The following HMCES variants were observed in gnomAD, a reference collection of about 807,000 sequenced individuals.
HMCES encodes 5-hydroxymethylcytosine binding, ES cell specific, also known as abasic site processing protein HMCES.
Under a neutral mutation model 35.1 loss-of-function variants are expected in HMCES, and 27 were observed. The observed-to-expected ratio is 0.77, with a 90% CI of 0.57 to 1.06. The LOEUF (loss-of-function observed/expected upper bound fraction) is 1.06, where lower values mean the gene tolerates loss of function less well. Ranked by LOEUF, HMCES falls within the 50% of genes least tolerant of loss-of-function variation. The pLI is 0.00. For missense variants in HMCES, 391 were observed against 430.4 expected (o/e 0.91, Z 0.81); for synonymous variants, 130 against 154.7 (o/e 0.84, Z 1.18).
At chr3:129,280,136 C>T (rs960102136) in intron 2 of HMCES, among the ~76,000 whole-genome samples, 4 of 152,156 alleles carry the variant, frequency 2.6e-5, no homozygotes, top group African/African-American at 9.7e-5. Flanking sequence ...ATTTAAATGC[C>T]TTTGCTATAC....
intron 2 of HMCES, among the ~76,000 whole-genome samples, chr3:129,284,322 A>C (rs7634523): frequency 0.25 from 37,592 of 152,180 alleles, 7,745 homozygotes; most frequent in African/African-American, 0.56. Flanking sequence ...ATATGTCTTA[A>C]AAAGAAGATA....
chr3:129,292,490 T>C (rs1367568134), intron 4 of HMCES, among the ~76,000 whole-genome samples: 1 of 150,554 alleles, frequency 6.6e-6, no homozygotes, highest in Non-Finnish European at 1.5e-5. Context: ...AAGTTTTTTT[T>C]TTTCTTCTTT....
At chr3:129,284,111 G>A (rs1215601260) in intron 2 of HMCES, among the ~76,000 whole-genome samples, 1 of 152,196 alleles carries the variant, frequency 6.6e-6, no homozygotes, top group East Asian at 1.9e-4. Context: ...CACATACAGA[G>A]AGCTGACAAA....
intron 2 of HMCES, among the ~76,000 whole-genome samples, chr3:129,285,882 A>T (rs563982400): frequency 4.8e-4 from 73 of 152,102 alleles, no homozygotes; most frequent in African/African-American, 1.7e-3. Flanking sequence ...GGCACACGCC[A>T]CCACACCCAG....
chr3:129,287,152 C>T (rs1010533725), intron 2 of HMCES, among the ~76,000 whole-genome samples: 2 of 152,052 alleles, frequency 1.3e-5, no homozygotes, highest in African/African-American at 4.8e-5. Flanking sequence ...GTTACTTTCT[C>T]CAGCAACGAA....
At chr3:129,300,217 G>A (rs1261741050) in intron 5 of HMCES, among the ~76,000 whole-genome samples, 1 of 149,946 alleles carries the variant, frequency 6.7e-6, no homozygotes, top group Non-Finnish European at 1.5e-5. Context: ...GGCAAAAGAA[G>A]AGCAAAACAC....
intron 3 of HMCES, among the ~76,000 whole-genome samples, chr3:129,289,234 T>C (rs969566451): frequency 2.0e-5 from 3 of 152,232 alleles, no homozygotes; most frequent in Non-Finnish European, 2.9e-5. Context: ...ACTGGGCTCA[T>C]CTGGGCAGTT....
chr3:129,292,640 G>C (rs1467394150), intron 4 of HMCES, among the ~76,000 whole-genome samples: 2 of 151,636 alleles, frequency 1.3e-5, no homozygotes. Flanking sequence ...CTACAGGCGT[G>C]TGCCACCAGG....
In HMCES at chr3:129,288,972, C is replaced by A. The variant is rs779979711; in HGVS notation, c.302C>A (p.Thr101Asn). 34 of 1,580,082 alleles carry A rather than the reference C, an allele frequency of 2.2e-5. No homozygotes were observed. The highest frequency in any genetic ancestry group is 2.7e-5 in the Non-Finnish European group (31 of 1,154,100). ...QFNTTNCRSD[T>N]VMEKRSFKVP... ...AATACTACCAACTGTCGTAGTGATA[C>A]CGTAATGGAGAAACGGTCATTTAAG... Residue 101 changes from threonine (T) to asparagine (N), a missense_variant, in exon 3 of 7, where the codon ACC (threonine) becomes AAC (asparagine). Physicochemically the swap from Thr to Asn is moderately conservative, Grantham distance 65. Transcript: ENST00000383463.
Position 129,279,781 on chromosome 3 carries a change from G to C in HMCES, c.49G>C (p.Ala17Pro), listed in dbSNP as rs773271088. Residue 17 changes from alanine (A) to proline (P), a missense_variant, in exon 2 of 7, where the codon GCT becomes CCT. Physicochemically the swap from Ala to Pro is conservative, Grantham distance 27. Coordinates refer to ENST00000383463, the MANE Select transcript of HMCES (RefSeq NM_020187.3). This position sits in a 1 kb window ranked among gnomAD's most constrained non-coding sequence, Gnocchi z 4.2. ...CHLPRDVLTR[A>P]CAYQDRRGQQ... is the part of the protein sequence containing the mutation. ...CTTACCTAGAGATGTTCTCACGAGAGCTTGCGCCTACCAGGATCGGCGGGG... is the reference window on the plus strand; with the variant it reads ...CTTACCTAGAGATGTTCTCACGAGACCTTGCGCCTACCAGGATCGGCGGGG... 23 of 1,613,756 alleles carry C rather than the reference G, an allele frequency of 1.4e-5. No homozygotes were observed. The highest frequency in any genetic ancestry group is 1.9e-5 in the Non-Finnish European group (23 of 1,179,864).
At chr3:129,302,192 C>G (rs752592914) in intron 6 of HMCES, 50 bp downstream of exon 6, 1 of 1,471,012 alleles carries the variant, frequency 6.8e-7, no homozygotes, top group Non-Finnish European at 9.2e-7. Flanking sequence ...TGTCTTCTGT[C>G]AGTGTTCTCT....
intron 3 of HMCES, among the ~76,000 whole-genome samples, chr3:129,290,080 G>A (rs931288113): frequency 3.3e-5 from 5 of 151,414 alleles, no homozygotes; most frequent in Non-Finnish European, 5.9e-5. Flanking sequence ...CCAGCTACTC[G>A]GGAAGCTGAG....
rs2071178612 is a variant in HMCES, at chr3:129,302,227, G to A, written c.828+85G>A. ...TTTCTTTCAGGATGTGGCCTTTTATGATCAGCCCTTTAATTTGGACCATCA... is the reference window on the plus strand; with the variant it reads ...TTTCTTTCAGGATGTGGCCTTTTATAATCAGCCCTTTAATTTGGACCATCA... On this transcript the variant is annotated intron_variant, in intron 6 of 6. Coordinates refer to ENST00000383463, the MANE Select transcript of HMCES (RefSeq NM_020187.3). 2.5e-6 allele frequency: 3 copies of A among 1,185,782 alleles called. No individual in the cohort carries two copies. The East Asian group carries it at 7.0e-5, about 28-fold the overall frequency. The allele number at this position is 1,185,782 out of a possible 1,614,324, so 73.5% of individuals were successfully genotyped here.
chr3:129,303,522 T>G (rs970862661), intron 6 of HMCES, among the ~76,000 whole-genome samples: 1 of 152,204 alleles, frequency 6.6e-6, no homozygotes, highest in African/African-American at 2.4e-5. Flanking sequence ...TGTTTTAGAT[T>G]TTGAATTTTT....
chr3:129,281,096 C>T (rs1213147350), intron 2 of HMCES, among the ~76,000 whole-genome samples: 3 of 151,978 alleles, frequency 2.0e-5, no homozygotes, highest in Non-Finnish European at 2.9e-5. Context: ...GTGGCACGCA[C>T]CTGTAGTCCC....
Position 129,302,154 on chromosome 3 carries a change from T to C in HMCES, c.828+12T>C. ...TGGTGGTCAAAAAGGTAGGGGCCTG[T>C]GACTGGTACAGTCCTTTTTGAGCTT... On this transcript the variant is annotated intron_variant, in intron 6 of 6. Transcript: ENST00000383463. 1 of 1,598,570 alleles carries C rather than the reference T, an allele frequency of 6.3e-7. No individual in the cohort carries two copies. The highest frequency in any genetic ancestry group is 1.1e-5 in the South Asian group (1 of 88,690).
intron 4 of HMCES, among the ~76,000 whole-genome samples, chr3:129,292,154 C>T (rs2071025912): frequency 6.6e-6 from 1 of 152,140 alleles, no homozygotes; most frequent in Non-Finnish European, 1.5e-5. Context: ...AGATTGAAAA[C>T]AAATCTGACA....
intron 2 of HMCES, among the ~76,000 whole-genome samples, chr3:129,286,231 T>C (rs1224945697): frequency 2.0e-5 from 3 of 152,164 alleles, no homozygotes; most frequent in Non-Finnish European, 4.4e-5. Context: ...CCCAAGATGA[T>C]GGTATTAGGA....
chr3:129,293,810 C>T (rs955922822), intron 4 of HMCES, among the ~76,000 whole-genome samples: 1 of 151,952 alleles, frequency 6.6e-6, no homozygotes, highest in Non-Finnish European at 1.5e-5. Context: ...TCAGGTGATC[C>T]GCCTGCCTCA....
Sources: gnomAD v4.1 joint callset for allele counts (sites outside exome capture counted in the v4.1 genomes callset) on GRCh38, gnomAD v4.1.1 for gene constraint, Gnocchi (gnomAD v3.1) non-coding constraint, MANE v1.5 for transcripts, NCBI Gene and HGNC (gene_info 2026-07-23, HGNC 2026-07-21) for gene names.